DCUN1D4: variants seen among roughly 807,000 people sequenced by gnomAD.
The protein encoded by DCUN1D4 is defective in cullin neddylation 1 domain containing 4.
A neutral mutation model predicts 47.9 loss-of-function variants in DCUN1D4; 22 were observed. That is an observed-to-expected ratio of 0.46 (90% CI 0.33 to 0.66). The LOEUF (loss-of-function observed/expected upper bound fraction) is 0.66, where lower values mean the gene tolerates loss of function less well. Among genes scored for constraint, DCUN1D4 ranks in the 30% least tolerant of loss-of-function variants. The pLI is 0.02. For synonymous variants in DCUN1D4, 121 were observed against 112.2 expected (o/e 1.08, Z -0.50); for missense variants, 301 against 340.8 (o/e 0.88, Z 0.92).
chr4:51,862,183 T>C (rs1725175158), intron 1 of DCUN1D4, among the ~76,000 whole-genome samples: 1 of 152,240 alleles, frequency 6.6e-6, no homozygotes, highest in Non-Finnish European at 1.5e-5. Flanking sequence ...TGGCTATGAC[T>C]GTGAACAGTG....
At chr4:51,904,982 C>G (rs535063537) in intron 8 of DCUN1D4, among the ~76,000 whole-genome samples, 1 of 152,216 alleles carries the variant, frequency 6.6e-6, no homozygotes, top group South Asian at 2.1e-4. Flanking sequence ...CTGAATTCTG[C>G]TTTAATATGC....
At chr4:51,857,195 C>CT (rs1032767025) in intron 1 of DCUN1D4, among the ~76,000 whole-genome samples, 3 of 152,174 alleles carry the variant, frequency 2.0e-5, no homozygotes, top group African/African-American at 7.2e-5. Flanking sequence ...TCGCTTCTTC[C>CT]TTTTTTATTT....
At chr4:51,848,044 C>T (rs1722818649) in intron 1 of DCUN1D4, among the ~76,000 whole-genome samples, 1 of 152,218 alleles carries the variant, frequency 6.6e-6, no homozygotes, top group South Asian at 2.1e-4. Flanking sequence ...TATTGAATAA[C>T]TTGTGCATTA....
rs1056321900 is a variant in DCUN1D4, at chr4:51,874,364, C to A, written c.230C>A (p.Ala77Asp). Reference sequence around the variant, plus strand: ...CCTGCCTCTGGAGATGATTTATCTGCCAAGAAAAGTAGACATGATAGGTAT... The same window carrying A: ...CCTGCCTCTGGAGATGATTTATCTGACAAGAAAAGTAGACATGATAGGTAT... ...RRPASGDDLSAKKSRHDSMYR... is the reference protein window; with the variant it reads ...RRPASGDDLSDKKSRHDSMYR... Residue 77 changes from alanine (A) to aspartate (D), a missense_variant, in exon 4 of 11, where the codon GCC (alanine) becomes GAC (aspartate). By Grantham distance (126) the Ala-to-Asp change is moderately radical. Transcript: ENST00000334635. 1 of 1,612,786 alleles carries A rather than the reference C, an allele frequency of 6.2e-7. No individual in the cohort carries two copies. Among genetic ancestry groups the A allele is most frequent in the Non-Finnish European group, 8.5e-7 (1 of 1,179,350 alleles).
chr4:51,881,052 C>T (rs976645094), intron 5 of DCUN1D4, among the ~76,000 whole-genome samples: 17 of 152,094 alleles, frequency 1.1e-4, no homozygotes, highest in African/African-American at 2.7e-4. Context: ...CACTTGAACC[C>T]GGGAGGCAGA....
At chr4:51,838,251 G>A (rs1721545855), upstream of DCUN1D4, among the ~76,000 whole-genome samples, 1 of 152,130 alleles carries the variant, frequency 6.6e-6, no homozygotes, top group African/African-American at 2.4e-5. Flanking sequence ...AAGGTCAAAA[G>A]GGTAAAATAA....
At chr4:51,863,392 T>C (rs1187925994) in intron 1 of DCUN1D4, 45 bp from the exon 2 acceptor site, 2 of 1,401,864 alleles carry the variant, frequency 1.4e-6, no homozygotes, top group African/African-American at 1.4e-5. Flanking sequence ...TTTTTTACAA[T>C]ATTGGAAATA....
At position 51,913,945 on chromosome 4, in the gene DCUN1D4, CT is replaced by C; in HGVS notation, c.*368del. The C allele has an allele frequency of 1.1e-5, 2 of 184,948 alleles. No homozygotes were observed. The highest frequency in any genetic ancestry group is 2.2e-5 in the Non-Finnish European group (2 of 89,546). 11.5% of individuals were successfully genotyped at this position (184,948 alleles called of 1,614,324 possible). On this transcript the variant is annotated 3_prime_UTR_variant, in exon 11 of 11. Coordinates refer to ENST00000334635, the MANE Select transcript of DCUN1D4 (RefSeq NM_001040402.3). ...AATAATTTTGTGGCATTTCTAGTCC[CT>C]TTTTTTGAATGAACCAATTATACTT...
chr4:51,872,093 C>T (rs114672563), intron 3 of DCUN1D4, among the ~76,000 whole-genome samples: 8 of 152,230 alleles, frequency 5.3e-5, no homozygotes, highest in East Asian at 3.9e-4. Flanking sequence ...GGTTTTGTGC[C>T]GAAGGAGCAG....
the DCUN1D4 span, among the ~76,000 whole-genome samples, chr4:51,836,264 T>C: frequency 6.6e-6 from 1 of 152,118 alleles, no homozygotes; most frequent in African/African-American, 2.4e-5. Flanking sequence ...CTGTGAATGA[T>C]TAGTAAAAGG....
the DCUN1D4 span, among the ~76,000 whole-genome samples, chr4:51,834,062 C>CTT: frequency 7.3e-6 from 1 of 137,738 alleles, no homozygotes; most frequent in African/African-American, 3.0e-5. Context: ...CTCTCTCTCT[C>CTT]TCTCTCTCTC....
Position 51,913,334 on chromosome 4 carries a change from C to G in DCUN1D4, c.765C>G (p.Val255=), listed in dbSNP as rs767921887. ...TTAATAAAGACCAGTGGTGCAATGT[C>G]CTAGAGTTTAGCAGAACAATTAATC... is the stretch of plus-strand genomic sequence containing the variant. ...KVINKDQWCN[V]LEFSRTINLD... The change falls in exon 10 of 11, where the codon GTC becomes GTG. Residue 255 remains valine, a synonymous_variant. Transcript: ENST00000334635. 6.2e-7 allele frequency: 1 copy of G among 1,612,672 alleles called. No individual in the cohort carries two copies. Among genetic ancestry groups the G allele is most frequent in the South Asian group, 1.1e-5 (1 of 90,914 alleles).
chr4:51,857,463 C>G (rs1000589095), intron 1 of DCUN1D4, among the ~76,000 whole-genome samples: 6 of 152,140 alleles, frequency 3.9e-5, no homozygotes, highest in Non-Finnish European at 1.5e-5. Context: ...CTCCATGGCA[C>G]CAAGACTCTC....
At chr4:51,906,801 A>G (rs1340257761) in intron 8 of DCUN1D4, among the ~76,000 whole-genome samples, 1 of 152,208 alleles carries the variant, frequency 6.6e-6, no homozygotes, top group Non-Finnish European at 1.5e-5. Flanking sequence ...GTTTCTTCAT[A>G]TCGAAATCTC....
chr4:51,838,140 C>G (rs1018232248), upstream of DCUN1D4, among the ~76,000 whole-genome samples: 8 of 152,162 alleles, frequency 5.3e-5, no homozygotes, highest in African/African-American at 1.7e-4. Flanking sequence ...CCACTGCACT[C>G]CAGCCTGGGT....
intron 1 of DCUN1D4, among the ~76,000 whole-genome samples, chr4:51,857,420 G>C (rs1724301442): frequency 6.6e-6 from 1 of 152,068 alleles, no homozygotes; most frequent in Admixed American, 6.5e-5. Context: ...GTCCTAGAGT[G>C]ATCTTTTTAA....
At chr4:51,898,686 G>A (rs563494504) in intron 7 of DCUN1D4, among the ~76,000 whole-genome samples, 1 of 152,278 alleles carries the variant, frequency 6.6e-6, no homozygotes, top group East Asian at 1.9e-4. Context: ...TAATCATAGG[G>A]ACATTATCTG....
intron 3 of DCUN1D4, among the ~76,000 whole-genome samples, chr4:51,866,606 T>G (rs1725971475): frequency 6.6e-6 from 1 of 152,230 alleles, no homozygotes; most frequent in East Asian, 1.9e-4. Flanking sequence ...TGCTTATATG[T>G]TTAACTTTTA....
At chr4:51,878,417 C>T (rs566892814) in intron 5 of DCUN1D4, among the ~76,000 whole-genome samples, 3 of 152,156 alleles carry the variant, frequency 2.0e-5, no homozygotes, top group African/African-American at 7.2e-5. Context: ...TTCAAACAAG[C>T]TCAAGCTGAA....
Sources: gnomAD v4.1 joint callset for allele counts (sites outside exome capture counted in the v4.1 genomes callset) on GRCh38, gnomAD v4.1.1 for gene constraint, MANE v1.5 for transcripts, NCBI Gene and HGNC (gene_info 2026-07-23, HGNC 2026-07-21) for gene names.